Variants in XK observed in about 807,000 individuals in gnomAD.
XK encodes the protein endoplasmic reticulum membrane adapter protein XK.
A neutral mutation model predicts 14.0 loss-of-function variants in XK; 2 were observed. That is an observed-to-expected ratio of 0.14 (90% CI 0.06 to 0.45). The LOEUF (loss-of-function observed/expected upper bound fraction) is 0.45. XK is among the 20% of genes least tolerant of loss of function. The probability of loss-of-function intolerance (pLI) is 0.98; values close to 1 mark genes in which losing one functional copy is unlikely to be tolerated. For synonymous variants in XK, 149 were observed against 147.5 expected (o/e 1.01, Z -0.08); for missense variants, 235 against 341.5 (o/e 0.69, Z 2.46).
chrX:37,705,294 A>T (rs1454207100), intron 2 of XK, among the ~76,000 whole-genome samples: 9 of 109,586 alleles, frequency 8.2e-5, no homozygotes, highest in Non-Finnish European at 1.5e-4. Context: ...AAATACAAAA[A>T]AAAAAAAATT....
chrX:37,726,144 G>A (rs1251970921), intron 2 of XK, among the ~76,000 whole-genome samples: 1 of 111,032 alleles, frequency 9.0e-6, no homozygotes, highest in East Asian at 2.8e-4. Flanking sequence ...TGTCAGTATA[G>A]GTTCATCAGT....
rs782293580 is a variant in XK at position 37,729,556 on chromosome X, C to G, written c.*1094C>G. ...TGATAAAGATCTCCAGTTGTATCCTCTGACACCCTTTAATGTTCTATATAA... is the reference window on the plus strand; with the variant it reads ...TGATAAAGATCTCCAGTTGTATCCTGTGACACCCTTTAATGTTCTATATAA... On this transcript the variant is annotated 3_prime_UTR_variant, in exon 3 of 3. Transcript: ENST00000378616. 5 of 111,979 alleles carry G rather than the reference C, an allele frequency of 4.5e-5. No individual in the cohort carries two copies. In the South Asian group the frequency reaches 1.8e-3, roughly 41 times the overall value. 9.2% of individuals were successfully genotyped at this position (111,979 alleles called of 1,213,427 possible). A position where few individuals can be genotyped will look rare whatever the true frequency, so the allele number is the denominator to read the frequency against.
chrX:37,686,012 G>A lies in XK; in HGVS notation c.51G>A (p.Glu17=), dbSNP rs782053706. ...CGTCCGTGTTCCTGTTCGTGGCCGA[G>A]ACAACGGCGGCGCTCAGCCTGAGCA... is the stretch of plus-strand genomic sequence containing the variant. The part of the protein sequence containing the change: ...VLASVFLFVA[E]TTAALSLSST... The change falls in exon 1 of 3, where the codon GAG becomes GAA. Residue 17 remains glutamate, a synonymous_variant. Transcript: ENST00000378616. The A allele has an allele frequency of 8.3e-7, 1 of 1,207,426 alleles. No homozygotes were observed. The highest frequency in any genetic ancestry group is 1.1e-6 in the Non-Finnish European group (1 of 894,028).
chrX:37,694,801 G>A (rs1927278521), intron 2 of XK, among the ~76,000 whole-genome samples: 2 of 111,765 alleles, frequency 1.8e-5, no homozygotes, highest in African/African-American at 6.5e-5. Context: ...CAAAGGTAGG[G>A]GGCTAGAATC....
intron 1 of XK, among the ~76,000 whole-genome samples, chrX:37,688,011 G>A (rs1203396776): frequency 1.9e-5 from 2 of 107,845 alleles, no homozygotes; most frequent in Non-Finnish European, 3.8e-5. Flanking sequence ...ATCTGACTTT[G>A]GGCAGGGCAC....
intron 2 of XK, among the ~76,000 whole-genome samples, chrX:37,714,476 A>C (rs1460178548): frequency 9.0e-6 from 1 of 111,357 alleles, no homozygotes; most frequent in Non-Finnish European, 1.9e-5. Context: ...ACACTACCAC[A>C]GTCAACCTCA....
rs1036731546 is a variant in XK, at chrX:37,688,016, G to C, written c.245+1810G>C. 1.3e-4 allele frequency among the ~76,000 whole-genome samples: 14 copies of C among 106,935 alleles called. 1 individual carries two copies. In the East Asian group the frequency reaches 4.0e-3, roughly 31 times the overall value. The allele number at this position is 106,935 out of a possible 115,157, so 92.9% of individuals were successfully genotyped here. On this transcript the variant is annotated intron_variant, in intron 1 of 2. Coordinates refer to ENST00000378616, the MANE Select transcript of XK (RefSeq NM_021083.4). ...AATAAGTGTGATCTGACTTTGGGCA[G>C]GGCACTTATCATTTCTTTCTTTCTT...
chrX:37,727,995 A>G lies in XK; in HGVS notation c.868A>G (p.Ile290Val). 3 of 1,211,400 alleles carry G rather than the reference A, an allele frequency of 2.5e-6. No individual in the cohort carries two copies. Among genetic ancestry groups the G allele is most frequent in the South Asian group, 3.5e-5 (2 of 56,963 alleles). Residue 290 changes from isoleucine to valine, a missense_variant, in exon 3 of 3, where the codon ATC (isoleucine) becomes GTC (valine). Ile to Val is a conservative substitution (Grantham distance 29). Coordinates refer to ENST00000378616, the MANE Select transcript of XK (RefSeq NM_021083.4). ...CTTTCTAACTTTACTCTATACTGGT[A>G]TCAACATGTTCTGCTGGTCTGCTGT... ...LCFLTLLYTG[I>V]NMFCWSAVQL...
At chrX:37,691,290 T>G (rs1195129210) in intron 1 of XK, among the ~76,000 whole-genome samples, 2 of 112,772 alleles carry the variant, frequency 1.8e-5, no homozygotes, top group Non-Finnish European at 3.7e-5. Flanking sequence ...GTATTTAATT[T>G]GTATGTTTTA....
At chrX:37,687,828 G>A (rs1556440583) in intron 1 of XK, among the ~76,000 whole-genome samples, 1 of 110,637 alleles carries the variant, frequency 9.0e-6, no homozygotes, top group Non-Finnish European at 1.9e-5. Context: ...AGGAGTGGGA[G>A]GTTGCTGCTG....
chrX:37,723,317 A>G (rs908785449), intron 2 of XK, among the ~76,000 whole-genome samples: 1 of 111,296 alleles, frequency 9.0e-6, no homozygotes, highest in East Asian at 2.8e-4. Context: ...CATCATTCTC[A>G]TCGTTCATTA....
rs1928012453 is a variant in XK at position 37,727,995 on chromosome X, A to T, written c.868A>T (p.Ile290Phe). Residue 290 changes from isoleucine (I) to phenylalanine (F), a missense_variant, in exon 3 of 3, where the codon ATC (isoleucine) becomes TTC (phenylalanine). Coordinates refer to ENST00000378616, the MANE Select transcript of XK (RefSeq NM_021083.4). ...CTTTCTAACTTTACTCTATACTGGT[A>T]TCAACATGTTCTGCTGGTCTGCTGT... ...LCFLTLLYTG[I>F]NMFCWSAVQL... The T allele has an allele frequency of 8.3e-7, 1 of 1,209,485 alleles. No homozygotes were observed. The highest frequency in any genetic ancestry group is 2.2e-5 in the Admixed American group (1 of 45,652).
At chrX:37,687,924 T>A (rs782407756) in intron 1 of XK, among the ~76,000 whole-genome samples, 89 of 111,154 alleles carry the variant, frequency 8.0e-4, no homozygotes, top group Admixed American at 3.4e-3. Flanking sequence ...AGCCATTTAG[T>A]GAGGAGAGAG....
intron 2 of XK, among the ~76,000 whole-genome samples, chrX:37,727,097 G>A (rs1238350622): frequency 2.7e-5 from 3 of 111,426 alleles, no homozygotes; most frequent in African/African-American, 6.5e-5. Flanking sequence ...GGTCAGGAAT[G>A]TATTTTAGTG....
intron 1 of XK, among the ~76,000 whole-genome samples, chrX:37,691,269 A>C (rs1453033795): frequency 8.9e-6 from 1 of 112,527 alleles, no homozygotes; most frequent in Non-Finnish European, 1.9e-5. Flanking sequence ...TTCAGTTCTT[A>C]GCATATGCTG....
chrX:37,688,476 A>G (rs782073666), intron 1 of XK, among the ~76,000 whole-genome samples: 6 of 111,902 alleles, frequency 5.4e-5, no homozygotes, highest in Non-Finnish European at 1.1e-4. Context: ...AGATGGTTTG[A>G]TATGTACTTA....
chrX:37,698,439 C>CA (rs781956352), intron 2 of XK, among the ~76,000 whole-genome samples: 27 of 99,654 alleles, frequency 2.7e-4, no homozygotes, highest in African/African-American at 9.8e-4. Context: ...CCCATCTCTA[C>CA]AAAAAATACA....
At chrX:37,698,528 G>T (rs1030826712) in intron 2 of XK, among the ~76,000 whole-genome samples, 1 of 94,454 alleles carries the variant, frequency 1.1e-5, no homozygotes, top group Admixed American at 1.2e-4. Context: ...GCTTGAGCCT[G>T]GGAGGACCTT....
chrX:37,709,934 A>G (rs782477825), intron 2 of XK, among the ~76,000 whole-genome samples: 13 of 112,065 alleles, frequency 1.2e-4, no homozygotes, highest in Non-Finnish European at 1.9e-4. Flanking sequence ...ATGGATCAAG[A>G]GTGAACACAA....
Sources: allele counts gnomAD v4.1 joint callset (sites outside exome capture counted in the v4.1 genomes callset), GRCh38; gene constraint gnomAD v4.1.1; transcripts MANE v1.5; gene names NCBI Gene and HGNC (gene_info 2026-07-23, HGNC 2026-07-21).